The following GLRA2 variants were observed in gnomAD, a reference collection of about 807,000 sequenced individuals.
GLRA2 encodes the protein glycine receptor alpha 2.
In GLRA2, 11 loss-of-function variants were observed where a neutral mutation model predicts 31.6. That is an observed-to-expected ratio of 0.35 (90% CI 0.22 to 0.58). The LOEUF is 0.58. Among genes scored for constraint, GLRA2 ranks in the 20% least tolerant of loss-of-function variants. The pLI, the probability that GLRA2 is intolerant of heterozygous loss-of-function variation, is 0.84. For synonymous variants in GLRA2, 132 were observed against 134.0 expected, an observed-to-expected ratio of 0.99 and a Z score of 0.10; for missense variants, 212 against 351.8, an observed-to-expected ratio of 0.60 and a Z score of 3.18.
At chrX:14,623,981 G>C (rs4463585) in intron 7 of GLRA2, among the ~76,000 whole-genome samples, 3,059 of 111,173 alleles carry the variant, frequency 0.028, 63 homozygotes, top group African/African-American at 0.076. Flanking sequence ...TCTGGTCCTG[G>C]ACTTTTTTTG....
chrX:14,678,239 A>G (rs372745634), intron 7 of GLRA2, among the ~76,000 whole-genome samples: 10 of 112,558 alleles, frequency 8.9e-5, no homozygotes, highest in South Asian at 3.7e-4. Flanking sequence ...TAGGGTAGAC[A>G]CATGCTGTGC....
intron 7 of GLRA2, among the ~76,000 whole-genome samples, chrX:14,681,106 C>T (rs183668621): frequency 1.9e-4 from 21 of 112,101 alleles, no homozygotes; most frequent in African/African-American, 4.9e-4. Flanking sequence ...GCACAACGTG[C>T]GGGTTTGTTA....
intron 7 of GLRA2, among the ~76,000 whole-genome samples, chrX:14,616,875 T>A (rs1216481198): frequency 8.9e-6 from 1 of 112,009 alleles, no homozygotes; most frequent in African/African-American, 3.2e-5. Flanking sequence ...CTGCTTGCTT[T>A]AGCCAGATGT....
the GLRA2 span, among the ~76,000 whole-genome samples, chrX:14,448,894 G>A: frequency 3.4e-4 from 38 of 111,175 alleles, no homozygotes; most frequent in African/African-American, 1.2e-3. Flanking sequence ...ATGCAGCTGT[G>A]TGTGGAAGCC....
chrX:14,685,235 G>T (rs1437165942), intron 7 of GLRA2, among the ~76,000 whole-genome samples: 6 of 111,133 alleles, frequency 5.4e-5, no homozygotes, highest in South Asian at 3.8e-4. Context: ...TTATTGAGGA[G>T]TTTTGCATCG....
At chrX:14,716,448 A>T (rs1471501163) in intron 8 of GLRA2, among the ~76,000 whole-genome samples, 1 of 111,806 alleles carries the variant, frequency 8.9e-6, no homozygotes, top group East Asian at 2.8e-4. Flanking sequence ...AGAGGATGGA[A>T]GTCCTTTGAG....
At chrX:14,681,917 A>ATATATATATATATATATATG (rs1481849386) in intron 7 of GLRA2, among the ~76,000 whole-genome samples, 1 of 83,474 alleles carries the variant, frequency 1.2e-5, no homozygotes, top group Admixed American at 1.4e-4. Context: ...AAAAATATAT[A>ATATATATATATATATATATG]TATATATATA....
At chrX:14,612,665 T>C (rs1174049407) in intron 7 of GLRA2, among the ~76,000 whole-genome samples, 3 of 110,945 alleles carry the variant, frequency 2.7e-5, no homozygotes, top group Non-Finnish European at 5.7e-5. Flanking sequence ...TGAGTTCATA[T>C]CCTTTGCAGG....
At position 14,574,397 on chromosome X, in the gene GLRA2, C is replaced by A. The variant is rs752341009; in HGVS notation, c.267C>A (p.Thr89=). The part of the protein sequence containing the change: ...INSFGSVTET[T]MDYRVNIFLR... ...GTTTTGGATCAGTCACAGAAACGAC[C>A]ATGGTAAGTGCTGCAATGCCACTGG... Residue 89 remains threonine (T), a synonymous_variant, in exon 3 of 9, where the codon ACC becomes ACA. Coordinates refer to ENST00000218075, the MANE Select transcript of GLRA2 (RefSeq NM_002063.4). 5 of 1,184,836 alleles carry A rather than the reference C, an allele frequency of 4.2e-6. No individual in the cohort carries two copies. Among genetic ancestry groups the A allele is most frequent in the South Asian group, 1.8e-5 (1 of 56,386 alleles).
intron 1 of GLRA2, chrX:14,531,110 C>A (rs1392408077): frequency 2.2e-6 from 2 of 924,990 alleles, no homozygotes; most frequent in Non-Finnish European, 2.8e-6. Context: ...TCATCATCAT[C>A]ATCCTCACCA....
chrX:14,642,471 CCTT>C (rs762031372), intron 7 of GLRA2, among the ~76,000 whole-genome samples: 3 of 111,742 alleles, frequency 2.7e-5, no homozygotes, highest in East Asian at 2.8e-4. Flanking sequence ...GACTGCCTGT[CCTT>C]CTTCTGCTGA....
intron 7 of GLRA2, among the ~76,000 whole-genome samples, chrX:14,686,036 A>G (rs1434228766): frequency 3.6e-5 from 4 of 111,829 alleles, no homozygotes; most frequent in Admixed American, 9.5e-5. Context: ...GGTTTCAAAG[A>G]ACATCTTTAT....
chrX:14,513,905 C>A, the GLRA2 span, among the ~76,000 whole-genome samples: 3 of 111,686 alleles, frequency 2.7e-5, no homozygotes, highest in Admixed American at 2.8e-4. Context: ...TCCAGCAATC[C>A]CCTTACTGGG....
At chrX:14,520,376 C>T in the GLRA2 span, among the ~76,000 whole-genome samples, 1 of 112,142 alleles carries the variant, frequency 8.9e-6, no homozygotes, top group African/African-American at 3.2e-5. Context: ...CTAATGCATC[C>T]AAGTGGAATT....
chrX:14,593,416 T>C (rs2090165916), intron 4 of GLRA2, among the ~76,000 whole-genome samples: 1 of 112,212 alleles, frequency 8.9e-6, no homozygotes, highest in Non-Finnish European at 1.9e-5. Context: ...AGCCATCTCA[T>C]TTCTGATTGA....
At chrX:14,609,901 C>T (rs921081120) in intron 7 of GLRA2, among the ~76,000 whole-genome samples, 2 of 111,056 alleles carry the variant, frequency 1.8e-5, no homozygotes, top group African/African-American at 3.3e-5. Context: ...GTTTATAGCA[C>T]CTCAAATAAT....
rs769508434 is a variant in GLRA2 at position 14,542,629 on chromosome X, GAA to G, written c.202+10268_202+10269del. 1.2e-3 allele frequency among the ~76,000 whole-genome samples: 123 copies of G among 98,847 alleles called. 1 individual carries two copies. The highest frequency in any genetic ancestry group is 2.9e-4 in the Non-Finnish European group (14 of 48,150). 85.8% of individuals were successfully genotyped at this position (98,847 alleles called of 115,157 possible). On this transcript the variant is annotated intron_variant, in intron 2 of 8. Transcript: ENST00000218075. The stretch of plus-strand genomic sequence containing the variant: ...CAGTCCTTATTTAACTGCTAGAGAA[GAA>G]AAAAAAAAAACCCTGTGGCAGTTAG...
chrX:14,585,619 T>G (rs185304214), intron 4 of GLRA2, among the ~76,000 whole-genome samples: 35 of 111,564 alleles, frequency 3.1e-4, no homozygotes, highest in African/African-American at 1.1e-3. Flanking sequence ...CATTAGAAAG[T>G]AATTTCCCTG....
At chrX:14,472,562 T>G in the GLRA2 span, among the ~76,000 whole-genome samples, 7 of 111,036 alleles carry the variant, frequency 6.3e-5, no homozygotes, top group Non-Finnish European at 1.3e-4. Flanking sequence ...GTGTGTGTTG[T>G]TCCCCAACCC....
Sources: gnomAD v4.1 joint callset for allele counts (sites outside exome capture counted in the v4.1 genomes callset) on GRCh38, gnomAD v4.1.1 for gene constraint, MANE v1.5 for transcripts, NCBI Gene and HGNC (gene_info 2026-07-23, HGNC 2026-07-21) for gene names.